ZNF713: variants seen among roughly 807,000 people sequenced by gnomAD.
ZNF713 encodes zinc finger protein 713.
Under a neutral mutation model 28.7 loss-of-function variants are expected in ZNF713, and 21 were observed. The ratio of observed to expected loss-of-function variants is 0.73; its 90% CI spans 0.52 to 1.05. The LOEUF is 1.05. Among genes scored for constraint, ZNF713 ranks in the 50% least tolerant of loss-of-function variants. ZNF713 has a pLI of 0.00. For missense variants in ZNF713, 458 were observed against 532.4 expected (o/e 0.86, Z 1.37); for synonymous variants, 167 against 178.0 (o/e 0.94, Z 0.49).
At chr7:55,930,578 A>T (rs529092608) in intron 6 of ZNF713, among the ~76,000 whole-genome samples, 1 of 152,192 alleles carries the variant, frequency 6.6e-6, no homozygotes, top group African/African-American at 2.4e-5. Context: ...CTTGGGCAAC[A>T]TGAAGAAACC....
intron 1 of ZNF713, among the ~76,000 whole-genome samples, chr7:55,899,119 C>T (rs550541236): frequency 1.3e-5 from 2 of 151,620 alleles, no homozygotes; most frequent in African/African-American, 2.4e-5. Context: ...TTTGGGAGGC[C>T]GAGGCGGGCA....
intron 2 of ZNF713, among the ~76,000 whole-genome samples, chr7:55,908,951 G>A (rs989901829): frequency 1.3e-5 from 2 of 152,016 alleles, no homozygotes; most frequent in Non-Finnish European, 2.9e-5. Context: ...GCTCATGCCT[G>A]TAATCCTAGC....
chr7:55,920,143 C>T (rs1244806950), intron 4 of ZNF713, among the ~76,000 whole-genome samples: 2 of 149,832 alleles, frequency 1.3e-5, no homozygotes, highest in Non-Finnish European at 3.0e-5. Flanking sequence ...ACATTCTTCA[C>T]TAAAAGGAAC....
intron 1 of ZNF713, among the ~76,000 whole-genome samples, chr7:55,897,782 A>T (rs1785501288): frequency 6.6e-6 from 1 of 152,216 alleles, no homozygotes; most frequent in Non-Finnish European, 1.5e-5. Flanking sequence ...GACATCGTGA[A>T]CATATTGACG....
intron 4 of ZNF713, chr7:55,918,219 A>T: frequency 2.4e-6 from 1 of 418,336 alleles, no homozygotes; most frequent in South Asian, 1.8e-5. Flanking sequence ...GCCCATGGAG[A>T]AGCCCATATG....
At chr7:55,932,666 T>C (rs1258417948) in intron 6 of ZNF713, among the ~76,000 whole-genome samples, 7 of 144,972 alleles carry the variant, frequency 4.8e-5, no homozygotes, top group African/African-American at 1.5e-4. Context: ...GGGTGGATCA[T>C]GAGGTCAGGA....
At chr7:55,935,890 G>A (rs896323697) in intron 6 of ZNF713, among the ~76,000 whole-genome samples, 12 of 151,968 alleles carry the variant, frequency 7.9e-5, no homozygotes, top group Non-Finnish European at 7.4e-5. Context: ...GGGAGGCAGC[G>A]CTTGCAATGA....
chr7:55,925,199 T>G (rs1016146870), intron 6 of ZNF713, among the ~76,000 whole-genome samples: 2 of 152,182 alleles, frequency 1.3e-5, no homozygotes, highest in Non-Finnish European at 2.9e-5. Context: ...CCACTCTGGC[T>G]CTTTGCTCTG....
chr7:55,906,418 G>A (rs2116200459), intron 2 of ZNF713, 39 bp downstream of exon 2: 1 of 152,320 alleles, frequency 6.6e-6, no homozygotes, highest in East Asian at 1.9e-4. Flanking sequence ...TTATTTGGGT[G>A]AAGGTGTAGA....
intron 1 of ZNF713, among the ~76,000 whole-genome samples, chr7:55,897,585 A>G (rs1380474015): frequency 6.6e-6 from 1 of 152,128 alleles, no homozygotes; most frequent in Non-Finnish European, 1.5e-5. Context: ...CACTGCGTCC[A>G]TCTGTCCTGT....
At position 55,899,390 on chromosome 7, in the gene ZNF713, C is replaced by T. The variant is rs7384053; in HGVS notation, c.-582-6863C>T. 3.5e-5 allele frequency among the ~76,000 whole-genome samples: 4 copies of T among 115,228 alleles called. No individual in the cohort carries two copies. The Admixed American group carries it at 4.0e-4, about 12-fold the overall frequency. 75.6% of individuals were successfully genotyped at this position (115,228 alleles called of 152,430 possible). A position where few individuals can be genotyped will look rare whatever the true frequency, so the allele number is the denominator to read the frequency against. ...AAAAAAAAAAAAAAATCAAGCCAGGCACGGTGGTTTATGCCTGTAATCCCA... is the reference window on the plus strand; with the variant it reads ...AAAAAAAAAAAAAAATCAAGCCAGGTACGGTGGTTTATGCCTGTAATCCCA... On this transcript the variant is annotated intron_variant, in intron 1 of 6. Coordinates refer to ENST00000429591, the MANE Select transcript of ZNF713 (RefSeq NM_182633.3).
intron 1 of ZNF713, among the ~76,000 whole-genome samples, chr7:55,899,438 G>T (rs761094219): frequency 0.017 from 2,504 of 143,966 alleles, 69 homozygotes; most frequent in Non-Finnish European, 0.027. Flanking sequence ...GCCGAGGGGG[G>T]GGGGGGGGTT....
chr7:55,940,011 T>C lies in ZNF713; in HGVS notation c.*5T>C, dbSNP rs749702707. 25 of 1,550,066 alleles carry C rather than the reference T, an allele frequency of 1.6e-5. No individual in the cohort carries two copies. Among genetic ancestry groups the C allele is most frequent in the Admixed American group, 2.0e-5 (1 of 49,582 alleles). On this transcript the variant is annotated 3_prime_UTR_variant, in exon 7 of 7. Transcript: ENST00000429591. ...CCTTCATTTAGCAGCACATAACTTA[T>C]GGTGGGGGAAATCAGATAAATATAT... is the stretch of plus-strand genomic sequence containing the variant.
rs1416254200 is a variant in ZNF713 at position 55,887,764 on chromosome 7, G to A, written c.-583+84G>A. The A allele has an allele frequency of 7.6e-3, 13 of 1,716 alleles. 2 individuals are homozygous for A. The highest frequency in any genetic ancestry group is 0.12 in the Middle Eastern group (1 of 8). The allele number at this position is 1,716 out of a possible 1,614,324, so 0.1% of individuals were successfully genotyped here. ...GGGCGGAGGCGGGGGGCGGAGGCGG[G>A]GGGCGGAGGCGGGGGGCGGAGGCGG... is the stretch of plus-strand genomic sequence containing the variant. On this transcript the variant is annotated intron_variant, in intron 1 of 6. Coordinates refer to ENST00000429591, the MANE Select transcript of ZNF713 (RefSeq NM_182633.3).
chr7:55,936,125 C>T (rs1378513950), intron 6 of ZNF713, among the ~76,000 whole-genome samples: 1 of 150,386 alleles, frequency 6.6e-6, no homozygotes, highest in Admixed American at 6.6e-5. Context: ...ATTAGCCAGG[C>T]ATGATAGTGT....
intron 6 of ZNF713, among the ~76,000 whole-genome samples, chr7:55,936,042 A>G (rs559511187): frequency 1.3e-3 from 193 of 151,836 alleles, no homozygotes; most frequent in South Asian, 2.5e-3. Flanking sequence ...AGGCAGGTGG[A>G]TCATTTGAGG....
At chr7:55,927,213 A>T (rs1786113172) in intron 6 of ZNF713, among the ~76,000 whole-genome samples, 1 of 152,162 alleles carries the variant, frequency 6.6e-6, no homozygotes, top group Non-Finnish European at 1.5e-5. Context: ...AGAGGATATT[A>T]GCAGCCAGAA....
chr7:55,933,366 C>T (rs1263035504), intron 6 of ZNF713, among the ~76,000 whole-genome samples: 4 of 151,966 alleles, frequency 2.6e-5, no homozygotes, highest in South Asian at 2.1e-4. Flanking sequence ...GGCACAATCT[C>T]GACTCTGCAA....
intron 1 of ZNF713, among the ~76,000 whole-genome samples, chr7:55,900,979 A>G (rs926569697): frequency 1.3e-5 from 2 of 152,094 alleles, no homozygotes; most frequent in Non-Finnish European, 2.9e-5. Flanking sequence ...CTGATAATGC[A>G]TTGTATATTT....
Sources: allele counts gnomAD v4.1 joint callset (sites outside exome capture counted in the v4.1 genomes callset), GRCh38; gene constraint gnomAD v4.1.1; transcripts MANE v1.5; gene names NCBI Gene and HGNC (gene_info 2026-07-23, HGNC 2026-07-21).